The following NPL variants were observed in gnomAD, a reference collection of about 807,000 sequenced individuals.
NPL encodes the protein N-acetylneuraminate lyase.
In NPL, 32 loss-of-function variants were observed where a neutral mutation model predicts 41.1. The ratio of observed to expected loss-of-function variants is 0.78; its 90% CI spans 0.59 to 1.05. NPL has a LOEUF of 1.05. NPL is among the 50% of genes least tolerant of loss of function. The pLI, the probability that NPL is intolerant of heterozygous loss-of-function variation, is 0.00. For synonymous variants in NPL, 128 were observed against 134.9 expected, an observed-to-expected ratio of 0.95 and a Z score of 0.35; for missense variants, 321 against 378.4, an observed-to-expected ratio of 0.85 and a Z score of 1.26.
intron 11 of NPL, among the ~76,000 whole-genome samples, chr1:182,822,817 A>G (rs1667526208): frequency 1.3e-5 from 2 of 152,222 alleles, no homozygotes; most frequent in Non-Finnish European, 2.9e-5. Flanking sequence ...AGGACAGCCT[A>G]GCCATCAGGG....
At chr1:182,797,450 G>A (rs1009483888) in intron 3 of NPL, among the ~76,000 whole-genome samples, 3 of 152,098 alleles carry the variant, frequency 2.0e-5, no homozygotes, top group Admixed American at 6.6e-5. Context: ...GAGATGAGCC[G>A]GTCTAAAGAT....
In NPL at chr1:182,829,478, T is replaced by TA. The variant is rs1357501333; in HGVS notation, c.*575dup. ...TTCGATGTCACCACTTTTCGCTCTT[T>TA]AAAAACACTGGGTCAGGTGAGGACT... is the stretch of plus-strand genomic sequence containing the variant. On this transcript the variant is annotated 3_prime_UTR_variant, in exon 13 of 13. Coordinates refer to ENST00000367553, the MANE Select transcript of NPL (RefSeq NM_030769.3). 30 of 1,466,082 alleles carry TA rather than the reference T, an allele frequency of 2.0e-5. No individual in the cohort carries two copies. The highest frequency in any genetic ancestry group is 2.5e-5 in the Non-Finnish European group (28 of 1,109,468). 90.8% of individuals were successfully genotyped at this position (1,466,082 alleles called of 1,614,324 possible). A position where few individuals can be genotyped will look rare whatever the true frequency, so the allele number is the denominator to read the frequency against.
At chr1:182,824,759 C>A (rs774365022) in intron 11 of NPL, among the ~76,000 whole-genome samples, 1 of 151,880 alleles carries the variant, frequency 6.6e-6, no homozygotes, top group African/African-American at 2.4e-5. Flanking sequence ...ATCATGCCAC[C>A]GCACTCCAGC....
chr1:182,803,587 A>T, intron 3 of NPL, 111 bp from the exon 4 acceptor site: 1 of 755,256 alleles, frequency 1.3e-6, no homozygotes, highest in Non-Finnish European at 2.3e-6. Flanking sequence ...TCACAAATTG[A>T]GTGGATTTTT....
In NPL at chr1:182,791,912, G is replaced by A. The variant is rs143714082; in HGVS notation, c.-71-320G>A. Among the ~76,000 whole-genome samples, 420 of 152,262 alleles carry A rather than the reference G, an allele frequency of 2.8e-3. 5 individuals carry two copies. The highest frequency in any genetic ancestry group is 9.7e-3 in the South Asian group (47 of 4,824). On this transcript the variant is annotated intron_variant, in intron 1 of 12. Transcript: ENST00000367553. The stretch of plus-strand genomic sequence containing the variant: ...CCTATTTGTCTAGATAAGAGGTAAC[G>A]AAGGGAAAAATTATAAAGGCGAAAG...
At chr1:182,818,413 T>A in intron 8 of NPL, 128 bp from the exon 9 acceptor site, 2 of 1,157,062 alleles carry the variant, frequency 1.7e-6, no homozygotes, top group Non-Finnish European at 2.6e-6. Context: ...GACCAGTGAT[T>A]ATGCCTAGTC....
chr1:182,813,235 T>C (rs940800088), intron 6 of NPL, among the ~76,000 whole-genome samples: 1 of 152,102 alleles, frequency 6.6e-6, no homozygotes, highest in Non-Finnish European at 1.5e-5. Flanking sequence ...ATTAACCAAG[T>C]TTCCAGAACT....
intron 3 of NPL, 92 bp from the exon 4 acceptor site, chr1:182,803,606 T>C: frequency 2.4e-6 from 2 of 829,742 alleles, no homozygotes; most frequent in Middle Eastern, 4.4e-4. Flanking sequence ...TTAATAACTA[T>C]TAGCAAGAGG....
chr1:182,815,269 G>A (rs113514501), intron 7 of NPL, among the ~76,000 whole-genome samples: 114 of 152,326 alleles, frequency 7.5e-4, no homozygotes, highest in African/African-American at 2.7e-3. Context: ...AATTTTAAGA[G>A]ATTTCACAGA....
chr1:182,825,501 A>C (rs1667607981), intron 11 of NPL, among the ~76,000 whole-genome samples: 1 of 152,198 alleles, frequency 6.6e-6, no homozygotes, highest in Non-Finnish European at 1.5e-5. Flanking sequence ...CCAGATGGAT[A>C]AGGGGTGTGA....
At chr1:182,816,383 T>G (rs1366637391) in intron 7 of NPL, among the ~76,000 whole-genome samples, 2 of 152,106 alleles carry the variant, frequency 1.3e-5, no homozygotes, top group African/African-American at 4.8e-5. Flanking sequence ...TTAGCCTTTT[T>G]GGGGTAAGAC....
intron 10 of NPL, among the ~76,000 whole-genome samples, chr1:182,821,362 C>A (rs754208896): frequency 6.6e-6 from 1 of 152,128 alleles, no homozygotes; most frequent in Non-Finnish European, 1.5e-5. Flanking sequence ...AGATATTTAT[C>A]TTTATAGGTA....
chr1:182,795,166 CAA>C (rs1380233519), intron 3 of NPL, among the ~76,000 whole-genome samples: 4 of 152,164 alleles, frequency 2.6e-5, no homozygotes, highest in Admixed American at 2.6e-4. Context: ...TCACCCCTGA[CAA>C]AAGAGAGTTC....
chr1:182,808,790 A>G (rs1270014809), intron 5 of NPL, among the ~76,000 whole-genome samples: 1 of 151,976 alleles, frequency 6.6e-6, no homozygotes, highest in Admixed American at 6.6e-5. Context: ...CCCTGTCTCT[A>G]TAAAAAATAA....
chr1:182,806,465 T>C, intron 5 of NPL: 3 of 1,536,366 alleles, frequency 2.0e-6, no homozygotes, highest in Non-Finnish European at 2.6e-6. Flanking sequence ...GAGGTTCCGC[T>C]GGGAAACTGC....
At position 182,818,609 on chromosome 1, in the gene NPL, G is replaced by A. The variant is rs1436288784; in HGVS notation, c.526G>A (p.Asp176Asn). 5.6e-6 allele frequency: 9 copies of A among 1,614,232 alleles called. No individual in the cohort carries two copies. In the East Asian group the frequency reaches 1.6e-4, roughly 28 times the overall value. ...IPTFQGLKFS[D>N]TDLLDFGQCV... ...CACCTTCCAAGGGCTGAAATTCAGT[G>A]ATACAGATCTCTTAGACTTCGGGCA... Residue 176 changes from aspartate (D) to asparagine (N), a missense_variant, in exon 9 of 13, where the codon GAT (aspartate) becomes AAT (asparagine). Coordinates refer to ENST00000367553, the MANE Select transcript of NPL (RefSeq NM_030769.3).
At chr1:182,811,167 A>C (rs533676814) in intron 5 of NPL, among the ~76,000 whole-genome samples, 35 of 152,298 alleles carry the variant, frequency 2.3e-4, no homozygotes, top group African/African-American at 8.4e-4. Flanking sequence ...CTGACACATA[A>C]ATTGATTCTA....
At position 182,812,166 on chromosome 1, in the gene NPL, G is replaced by A. The variant is rs2102551494; in HGVS notation, c.241G>A (p.Val81Met). ...TTTTTTCTTTTGCAGGCTGGATCAGGTGATAATTCACGTAGGAGCACTGAG... is the reference window on the plus strand; with the variant it reads ...TTTTTTCTTTTGCAGGCTGGATCAGATGATAATTCACGTAGGAGCACTGAG... ...VTKGKDKLDQ[V>M]IIHVGALSLK... The change falls in exon 6 of 13, where the codon GTG (valine) becomes ATG (methionine). Residue 81 changes from valine (V) to methionine (M), a missense_variant. Transcript: ENST00000367553. 1 of 1,613,962 alleles carries A rather than the reference G, an allele frequency of 6.2e-7. No homozygotes were observed. The highest frequency in any genetic ancestry group is 2.2e-5 in the East Asian group (1 of 44,882).
intron 5 of NPL, chr1:182,806,504 TCA>T: frequency 6.5e-7 from 1 of 1,536,236 alleles, no homozygotes; most frequent in South Asian, 1.2e-5. Flanking sequence ...GCCAGTCCCC[TCA>T]CAGTTACCCG....
Sources: allele counts gnomAD v4.1 joint callset (sites outside exome capture counted in the v4.1 genomes callset), GRCh38; gene constraint gnomAD v4.1.1; transcripts MANE v1.5; gene names NCBI Gene and HGNC (gene_info 2026-07-23, HGNC 2026-07-21).